The following MGAT4C variants were observed in gnomAD, a reference collection of about 807,000 sequenced individuals.
MGAT4C encodes MGAT4 family member C.
In MGAT4C, 19 loss-of-function variants were observed where a neutral mutation model predicts 40.1. The ratio of observed to expected loss-of-function variants is 0.47; its 90% confidence interval spans 0.33 to 0.70. The LOEUF (loss-of-function observed/expected upper bound fraction) is 0.70. Ranked by LOEUF, MGAT4C falls within the 30% of genes least tolerant of loss-of-function variation. The probability of loss-of-function intolerance (pLI) is 0.02; values close to 1 mark genes in which losing one functional copy is unlikely to be tolerated. For synonymous variants in MGAT4C, 181 were observed against 187.1 expected (o/e 0.97, Z 0.27); for missense variants, 491 against 563.2 (o/e 0.87, Z 1.30).
intron 1 of MGAT4C, among the ~76,000 whole-genome samples, chr12:86,054,580 A>G (rs1168714481): frequency 6.6e-6 from 1 of 152,064 alleles, no homozygotes; most frequent in African/African-American, 2.4e-5. Context: ...AAAAATGATA[A>G]GCATTTGAAG....
At chr12:86,337,148 A>G (rs1164768429) in intron 3 of MGAT4C, among the ~76,000 whole-genome samples, 1 of 152,160 alleles carries the variant, frequency 6.6e-6, no homozygotes. Context: ...GATGATAGAA[A>G]CCAATCTATG....
At chr12:86,671,668 A>G (rs1485204733) in intron 2 of MGAT4C, among the ~76,000 whole-genome samples, 1 of 152,194 alleles carries the variant, frequency 6.6e-6, no homozygotes, top group Non-Finnish European at 1.5e-5. Flanking sequence ...TATCAGACAA[A>G]ACACCTTTCA....
intron 2 of MGAT4C, among the ~76,000 whole-genome samples, chr12:86,047,384 A>G (rs1892502699): frequency 6.6e-6 from 1 of 152,102 alleles, no homozygotes; most frequent in Admixed American, 6.6e-5. Flanking sequence ...ATACACACAC[A>G]TGTGTATGTA....
At chr12:86,490,681 G>T (rs999742681) in intron 2 of MGAT4C, among the ~76,000 whole-genome samples, 5 of 151,418 alleles carry the variant, frequency 3.3e-5, no homozygotes, top group Non-Finnish European at 7.4e-5. Flanking sequence ...GGAAAGCAGA[G>T]ACACACATAG....
chr12:86,566,525 CATATACAT>C (rs1328779400), intron 2 of MGAT4C, among the ~76,000 whole-genome samples: 4,897 of 70,392 alleles, frequency 0.07, 267 homozygotes, highest in African/African-American at 0.12. Flanking sequence ...TTAGTAAACT[CATATACAT>C]ATATATATAT....
chr12:86,767,613 C>A (rs1211357606), intron 1 of MGAT4C, among the ~76,000 whole-genome samples: 1 of 152,136 alleles, frequency 6.6e-6, no homozygotes, highest in Non-Finnish European at 1.5e-5. Context: ...TGCAAAAATC[C>A]TCTATAAAAT....
At chr12:86,550,747 C>A (rs1449843617) in intron 2 of MGAT4C, among the ~76,000 whole-genome samples, 2 of 152,194 alleles carry the variant, frequency 1.3e-5, no homozygotes, top group African/African-American at 4.8e-5. Flanking sequence ...TCAGTGCAAA[C>A]CTGCCCATAA....
chr12:86,369,080 A>C (rs1316909387), intron 3 of MGAT4C, among the ~76,000 whole-genome samples: 2 of 151,984 alleles, frequency 1.3e-5, no homozygotes, highest in Non-Finnish European at 2.9e-5. Context: ...AATATTATAC[A>C]TTTCTTTTGA....
rs1883405234 is a variant in MGAT4C, at chr12:85,967,065, A to G, written c.*12224T>C. On this transcript the variant is annotated 3_prime_UTR_variant, in exon 5 of 5. Coordinates refer to ENST00000611864, the MANE Select transcript of MGAT4C (RefSeq NM_001351288.2). ...TATAATAATAAAAAAATTCTTAGTT[A>G]TTTGAAAATAGTTTTTTTGAATTCA... 6.6e-6 allele frequency: 1 copy of G among 152,162 alleles called. No individual in the cohort carries two copies. The highest frequency in any genetic ancestry group is 1.5e-5 in the Non-Finnish European group (1 of 68,016). 9.4% of individuals were successfully genotyped at this position (152,162 alleles called of 1,614,324 possible). A position where few individuals can be genotyped will look rare whatever the true frequency, so the allele number is the denominator to read the frequency against.
At chr12:86,344,641 T>C (rs554485855) in intron 3 of MGAT4C, among the ~76,000 whole-genome samples, 1 of 152,108 alleles carries the variant, frequency 6.6e-6, no homozygotes, top group East Asian at 1.9e-4. Context: ...ATTTGTAAGA[T>C]TTAAAAGACT....
In MGAT4C at chr12:85,979,111, T is replaced by G; in HGVS notation, c.*178A>C. ...TGATATTCAACTTCAGACGTTAAAA[T>G]AAATACAAGTGTGTATTAAGAGTAA... is the stretch of plus-strand genomic sequence containing the variant. On this transcript the variant is annotated 3_prime_UTR_variant, in exon 5 of 5. Coordinates refer to ENST00000611864, the MANE Select transcript of MGAT4C (RefSeq NM_001351288.2). 2.1e-6 allele frequency: 1 copy of G among 473,576 alleles called. No individual in the cohort carries two copies. Among genetic ancestry groups the G allele is most frequent in the Non-Finnish European group, 3.7e-6 (1 of 270,968 alleles). The allele number at this position is 473,576 out of a possible 1,614,324, so 29.3% of individuals were successfully genotyped here. A position where few individuals can be genotyped will look rare whatever the true frequency, so the allele number is the denominator to read the frequency against.
chr12:86,595,866 A>ATTT (rs1961516624), intron 2 of MGAT4C, among the ~76,000 whole-genome samples: 1 of 151,846 alleles, frequency 6.6e-6, no homozygotes, highest in Non-Finnish European at 1.5e-5. Context: ...GTTATAAAAT[A>ATTT]TTTTTACAGC....
At chr12:86,501,129 C>T (rs1958332863) in intron 2 of MGAT4C, among the ~76,000 whole-genome samples, 1 of 151,710 alleles carries the variant, frequency 6.6e-6, no homozygotes, top group African/African-American at 2.4e-5. Flanking sequence ...AATTGTATAG[C>T]CACATTGGAA....
intron 4 of MGAT4C, among the ~76,000 whole-genome samples, chr12:86,325,924 C>A (rs1359242091): frequency 1.3e-5 from 2 of 151,756 alleles, no homozygotes; most frequent in Non-Finnish European, 2.9e-5. Context: ...GTTCCCTATA[C>A]AGTCATTTTT....
intron 2 of MGAT4C, among the ~76,000 whole-genome samples, chr12:86,549,355 G>T (rs1959239479): frequency 6.6e-6 from 1 of 152,078 alleles, no homozygotes; most frequent in Admixed American, 6.6e-5. Flanking sequence ...ATTCTATAAA[G>T]TTGCTCACTA....
chr12:86,009,994 GA>G (rs1888294950), intron 2 of MGAT4C, among the ~76,000 whole-genome samples: 1 of 152,030 alleles, frequency 6.6e-6, no homozygotes, highest in Non-Finnish European at 1.5e-5. Flanking sequence ...AATTACTGAA[GA>G]AATTCAGAAA....
At chr12:86,753,670 C>G (rs535142752) in intron 1 of MGAT4C, among the ~76,000 whole-genome samples, 7 of 151,736 alleles carry the variant, frequency 4.6e-5, no homozygotes, top group African/African-American at 1.7e-4. Flanking sequence ...TTTCAAACTT[C>G]AATATTAAAA....
chr12:86,090,251 T>G (rs993816474), intron 1 of MGAT4C, among the ~76,000 whole-genome samples: 1 of 151,678 alleles, frequency 6.6e-6, no homozygotes, highest in Non-Finnish European at 1.5e-5. Context: ...ACTAAACATA[T>G]TTTTCATGCC....
In MGAT4C at chr12:85,971,072, A is replaced by C. The variant is rs1163713630; in HGVS notation, c.*8217T>G. On this transcript the variant is annotated 3_prime_UTR_variant, in exon 5 of 5. Transcript: ENST00000611864. ...CAATGGTTATTCAATTTACTGATGA[A>C]AATCAGAAGAATGTTGAAAAATTAG... The C allele has an allele frequency of 6.6e-6, 1 of 151,272 alleles. No individual in the cohort carries two copies. Among genetic ancestry groups the C allele is most frequent in the Non-Finnish European group, 1.5e-5 (1 of 67,376 alleles). The allele number at this position is 151,272 out of a possible 1,614,324, so 9.4% of individuals were successfully genotyped here.
Sources: allele counts gnomAD v4.1 joint callset (sites outside exome capture counted in the v4.1 genomes callset), GRCh38; gene constraint gnomAD v4.1.1; transcripts MANE v1.5; gene names NCBI Gene and HGNC (gene_info 2026-07-23, HGNC 2026-07-21).